Variants in CRTC3 observed in about 807,000 individuals in gnomAD.
The protein encoded by CRTC3 is CREB regulated transcription coactivator 3, also known as CREB-regulated transcription coactivator 3.
A neutral mutation model predicts 74.5 loss-of-function variants in CRTC3; 26 were observed. That is an observed-to-expected ratio of 0.35 (90% confidence interval 0.26 to 0.48). The LOEUF (loss-of-function observed/expected upper bound fraction) is 0.48. CRTC3 is among the 20% of genes least tolerant of loss of function. CRTC3 has a pLI of 0.99. For synonymous variants in CRTC3, 377 were observed against 325.8 expected (o/e 1.16, Z -1.69); for missense variants, 760 against 787.3 (o/e 0.97, Z 0.41).
chr15:90,561,500 G>A lies in CRTC3; in HGVS notation c.231+21363G>A, dbSNP rs555610846. Among the ~76,000 whole-genome samples, 5 of 152,316 alleles carry A rather than the reference G, an allele frequency of 3.3e-5. No individual in the cohort carries two copies. In the East Asian group the frequency reaches 9.6e-4, roughly 29 times the overall value. On this transcript the variant is annotated intron_variant, in intron 2 of 14. Transcript: ENST00000268184. ...CCTTGACTCAGTGCAGCTTTCAAGAGAGGCAGAAAGAATACCCACAGAGAA... is the reference window on the plus strand; with the variant it reads ...CCTTGACTCAGTGCAGCTTTCAAGAAAGGCAGAAAGAATACCCACAGAGAA...
chr15:90,626,766 G>A (rs752561729), intron 10 of CRTC3, among the ~76,000 whole-genome samples: 1 of 152,072 alleles, frequency 6.6e-6, no homozygotes, highest in Non-Finnish European at 1.5e-5. Flanking sequence ...CATGTGCCAC[G>A]ATGCCGAGCT....
chr15:90,585,269 C>T (rs1285739657), intron 2 of CRTC3, among the ~76,000 whole-genome samples: 1 of 152,148 alleles, frequency 6.6e-6, no homozygotes, highest in African/African-American at 2.4e-5. Context: ...CTCAGCCTCC[C>T]AAGTAGCTGG....
intron 1 of CRTC3, among the ~76,000 whole-genome samples, chr15:90,533,172 G>A (rs8034115): frequency 0.018 from 2,680 of 148,490 alleles, 83 homozygotes; most frequent in African/African-American, 0.064. Context: ...GGAAGGCCGA[G>A]GCGGGCAGAT....
At chr15:90,632,758 C>T (rs557199574) in intron 11 of CRTC3, among the ~76,000 whole-genome samples, 14 of 152,178 alleles carry the variant, frequency 9.2e-5, no homozygotes, top group South Asian at 6.2e-4. Flanking sequence ...GCATGTGCCA[C>T]GACGCCTGGC....
Position 90,545,780 on chromosome 15 carries a change from G to A in CRTC3, c.231+5643G>A, listed in dbSNP as rs371945960. On this transcript the variant is annotated intron_variant, in intron 2 of 14. Coordinates refer to ENST00000268184, the MANE Select transcript of CRTC3 (RefSeq NM_022769.5). The stretch of plus-strand genomic sequence containing the variant: ...TTTTTAGTAGAGACGGGGTTTCACT[G>A]TGTTAGCCAGGATGGTCTCCATCTC... 9.8e-3 allele frequency among the ~76,000 whole-genome samples: 1,487 copies of A among 152,042 alleles called. 14 individuals are homozygous for A. Among genetic ancestry groups the A allele is most frequent in the African/African-American group, 0.011 (463 of 41,476 alleles).
intron 2 of CRTC3, among the ~76,000 whole-genome samples, chr15:90,585,971 G>A (rs1045453667): frequency 6.6e-6 from 1 of 152,060 alleles, no homozygotes; most frequent in African/African-American, 2.4e-5. Flanking sequence ...CCACATAAAT[G>A]ACCCCTGGCT....
At chr15:90,639,222 A>G (rs1969351752) in intron 13 of CRTC3, among the ~76,000 whole-genome samples, 1 of 152,064 alleles carries the variant, frequency 6.6e-6, no homozygotes, top group African/African-American at 2.4e-5. Context: ...TGGTGCACCC[A>G]GCACAGCGTG....
intron 2 of CRTC3, among the ~76,000 whole-genome samples, chr15:90,541,488 G>A (rs1024015534): frequency 1.3e-5 from 2 of 152,106 alleles, no homozygotes; most frequent in Non-Finnish European, 2.9e-5. Context: ...TCAATATAAT[G>A]ACAATGGACT....
rs1596137594 is a variant in CRTC3 at position 90,625,935 on chromosome 15, G to C, written c.909G>C (p.Gly303=). 6.2e-7 allele frequency: 1 copy of C among 1,614,200 alleles called. No individual in the cohort carries two copies. The highest frequency in any genetic ancestry group is 2.2e-5 in the East Asian group (1 of 44,888). ...ACCACTTTGGCAGTATGAGTGTGGG[G>C]AATAGTGTGAACAACATCCCAGCTG... ...TDHHFGSMSV[G]NSVNNIPAAM... Residue 303 remains glycine, a synonymous_variant, in exon 10 of 15, where the codon GGG becomes GGC. Coordinates refer to ENST00000268184, the MANE Select transcript of CRTC3 (RefSeq NM_022769.5).
chr15:90,561,312 T>C (rs1250328698), intron 2 of CRTC3, among the ~76,000 whole-genome samples: 2 of 152,236 alleles, frequency 1.3e-5, no homozygotes, highest in Non-Finnish European at 2.9e-5. Context: ...GCAGGTATCC[T>C]ACCTAGGCCT....
rs1184644237 is a variant in CRTC3 at position 90,642,497 on chromosome 15, T to A, written c.*357T>A. The A allele has an allele frequency of 2.5e-6, 1 of 397,776 alleles. No homozygotes were observed. The highest frequency in any genetic ancestry group is 4.7e-6 in the Non-Finnish European group (1 of 213,022). 24.6% of individuals were successfully genotyped at this position (397,776 alleles called of 1,614,324 possible). ...TGGAGGCCTCCGTAGCATTGTGTAG[T>A]GTGCTCAGAACCACTGATCTCCGTC... On this transcript the variant is annotated 3_prime_UTR_variant, in exon 15 of 15. Transcript: ENST00000268184.
At chr15:90,604,804 C>G (rs763270969) in intron 5 of CRTC3, among the ~76,000 whole-genome samples, 2 of 152,120 alleles carry the variant, frequency 1.3e-5, no homozygotes, top group Non-Finnish European at 2.9e-5. Flanking sequence ...TAAACATCAG[C>G]TATTATCATG....
intron 2 of CRTC3, among the ~76,000 whole-genome samples, chr15:90,556,613 G>A (rs1966895259): frequency 6.6e-6 from 1 of 152,102 alleles, no homozygotes. Context: ...ATGTTTCATT[G>A]GGGCTTCATG....
chr15:90,534,897 C>T (rs1015284758), intron 1 of CRTC3, among the ~76,000 whole-genome samples: 1 of 152,118 alleles, frequency 6.6e-6, no homozygotes, highest in Non-Finnish European at 1.5e-5. Flanking sequence ...CGGTGGCTCA[C>T]GCCTGTAATC....
At chr15:90,549,728 G>T (rs2151060745) in intron 2 of CRTC3, among the ~76,000 whole-genome samples, 1 of 145,396 alleles carries the variant, frequency 6.9e-6, no homozygotes, top group South Asian at 2.2e-4. Flanking sequence ...TTTTGAGACA[G>T]GTCTTTCTCT....
At chr15:90,556,042 T>C (rs2151063695) in intron 2 of CRTC3, among the ~76,000 whole-genome samples, 1 of 152,256 alleles carries the variant, frequency 6.6e-6, no homozygotes, top group South Asian at 2.1e-4. Flanking sequence ...TTTTCATGTA[T>C]CTTTATACAG....
intron 2 of CRTC3, among the ~76,000 whole-genome samples, chr15:90,564,911 T>C (rs1475763113): frequency 1.1e-4 from 1 of 8,916 alleles, no homozygotes; most frequent in Admixed American, 8.3e-4. Flanking sequence ...CCAACCTTCC[T>C]TCCTTCCTTC....
At chr15:90,535,533 T>G (rs1966705092) in intron 1 of CRTC3, among the ~76,000 whole-genome samples, 1 of 152,166 alleles carries the variant, frequency 6.6e-6, no homozygotes, top group East Asian at 1.9e-4. Context: ...GTTGGAAACT[T>G]ATTCCAGAAG....
At chr15:90,562,494 C>A (rs987808226) in intron 2 of CRTC3, among the ~76,000 whole-genome samples, 1 of 152,130 alleles carries the variant, frequency 6.6e-6, no homozygotes, top group Non-Finnish European at 1.5e-5. Context: ...TTTGTTTTTA[C>A]CTAGGAAACG....
Sources: allele counts gnomAD v4.1 joint callset (sites outside exome capture counted in the v4.1 genomes callset), GRCh38; gene constraint gnomAD v4.1.1; transcripts MANE v1.5; gene names NCBI Gene and HGNC (gene_info 2026-07-23, HGNC 2026-07-21).